The following AKR1C4 variants were observed in gnomAD, a reference collection of about 807,000 sequenced individuals.
AKR1C4 encodes the protein 3-alpha-HSD1.
AKR1C4 carries 44 observed loss-of-function variants against 41.0 expected under a neutral mutation model. The ratio of observed to expected loss-of-function variants is 1.07; its 90% CI spans 0.84 to 1.38. The LOEUF (loss-of-function observed/expected upper bound fraction) is 1.38. AKR1C4 is among the 40% of genes most tolerant of loss of function. The pLI, the probability that AKR1C4 is intolerant of heterozygous loss-of-function variation, is 0.00. For synonymous variants in AKR1C4, 165 were observed against 137.7 expected (o/e 1.20, Z -1.39); for missense variants, 438 against 387.9 (o/e 1.13, Z -1.09).
chr10:5,216,853 G>T, intron 8 of AKR1C4, 60 bp downstream of exon 8: 1 of 1,219,044 alleles, frequency 8.2e-7, no homozygotes, highest in Non-Finnish European at 1.2e-6. Flanking sequence ...TGTCAGATGG[G>T]TGTTGAAAGT....
At chr10:5,213,946 T>C (rs868964036) in intron 7 of AKR1C4, among the ~76,000 whole-genome samples, 1 of 152,152 alleles carries the variant, frequency 6.6e-6, no homozygotes, top group Admixed American at 6.5e-5. Flanking sequence ...TGTAGTCAAA[T>C]TCTTTATGAC....
At chr10:5,215,946 C>A (rs1219569915) in intron 7 of AKR1C4, among the ~76,000 whole-genome samples, 1 of 152,168 alleles carries the variant, frequency 6.6e-6, no homozygotes, top group African/African-American at 2.4e-5. Context: ...TGTCCCACTC[C>A]TGGTAACAAT....
chr10:5,212,751 C>T (rs782507158), intron 6 of AKR1C4, 26 bp downstream of exon 6: 3 of 1,594,300 alleles, frequency 1.9e-6, no homozygotes, highest in Non-Finnish European at 2.6e-6. Context: ...GGAAGTTTAC[C>T]TAAAATGCCA....
At chr10:5,217,924 G>A (rs1832677597) in intron 8 of AKR1C4, among the ~76,000 whole-genome samples, 1 of 152,206 alleles carries the variant, frequency 6.6e-6, no homozygotes, top group Non-Finnish European at 1.5e-5. Context: ...GCCTGCAGTG[G>A]AGATGTTAAC....
At chr10:5,215,311 G>C (rs1324700461) in intron 7 of AKR1C4, among the ~76,000 whole-genome samples, 1 of 152,162 alleles carries the variant, frequency 6.6e-6, no homozygotes, top group African/African-American at 2.4e-5. Flanking sequence ...AGGTGTTTGT[G>C]TCATGGGGGC....
chr10:5,210,194 T>C (rs558698824), intron 5 of AKR1C4, among the ~76,000 whole-genome samples: 2 of 152,274 alleles, frequency 1.3e-5, no homozygotes, highest in African/African-American at 4.8e-5. Flanking sequence ...TGATCTCCTT[T>C]GACTCCATGT....
intron 7 of AKR1C4, among the ~76,000 whole-genome samples, chr10:5,216,016 G>A (rs782652766): frequency 1.3e-4 from 20 of 152,282 alleles, no homozygotes; most frequent in South Asian, 2.1e-4. Context: ...AAAATATGCC[G>A]AAAGTTGTTT....
Position 5,216,807 on chromosome 10 carries a change from G to C in AKR1C4, c.929+14G>C, listed in dbSNP as rs534568556. Reference sequence around the variant, plus strand: ...TGTCATGGATTTGTAAGTAACTTTGGAAAATGGGTTTCCCAGTTTATTTTT... The same window carrying C: ...TGTCATGGATTTGTAAGTAACTTTGCAAAATGGGTTTCCCAGTTTATTTTT... On this transcript the variant is annotated intron_variant, in intron 8 of 8. Coordinates refer to ENST00000263126, the MANE Select transcript of AKR1C4 (RefSeq NM_001818.5). 6.3e-7 allele frequency: 1 copy of C among 1,582,422 alleles called. No homozygotes were observed. The highest frequency in any genetic ancestry group is 8.7e-7 in the Non-Finnish European group (1 of 1,154,706).
intron 2 of AKR1C4, chr10:5,202,628 G>A (rs966149031): frequency 1.1e-5 from 3 of 279,724 alleles, no homozygotes; most frequent in African/African-American, 4.4e-5. Flanking sequence ...TCAGTATGAT[G>A]TTGGCTATGG....
At chr10:5,201,863 G>A (rs1250190553) in intron 2 of AKR1C4, among the ~76,000 whole-genome samples, 5 of 152,116 alleles carry the variant, frequency 3.3e-5, no homozygotes, top group African/African-American at 1.2e-4. Context: ...TTATTGAATA[G>A]GGTTATTTTC....
At chr10:5,206,150 C>T in intron 4 of AKR1C4, 125 bp from the exon 5 acceptor site, 2 of 1,500,450 alleles carry the variant, frequency 1.3e-6, no homozygotes, top group African/African-American at 1.4e-5. Context: ...AATTTTTTCT[C>T]TTGAGAATCA....
At chr10:5,199,555 C>G (rs1282777839) in intron 1 of AKR1C4, among the ~76,000 whole-genome samples, 1 of 152,054 alleles carries the variant, frequency 6.6e-6, no homozygotes, top group Non-Finnish European at 1.5e-5. Context: ...ATCACATCGG[C>G]AGAGGAATAC....
At position 5,196,859 on chromosome 10, in the gene AKR1C4, T is replaced by G; in HGVS notation, c.-9T>G. 6.2e-7 allele frequency: 1 copy of G among 1,613,948 alleles called. No individual in the cohort carries two copies. Among genetic ancestry groups the G allele is most frequent in the Non-Finnish European group, 8.5e-7 (1 of 1,179,826 alleles). ...AACAGGATCTGCTTAGTGAAAGAAGTGGCAAGCAATGGATCCCAAATATCA... is the reference window on the plus strand; with the variant it reads ...AACAGGATCTGCTTAGTGAAAGAAGGGGCAAGCAATGGATCCCAAATATCA... On this transcript the variant is annotated 5_prime_UTR_variant, in exon 1 of 9. Transcript: ENST00000263126.
chr10:5,205,886 C>G, intron 4 of AKR1C4, 52 bp downstream of exon 4: 2 of 1,530,120 alleles, frequency 1.3e-6, no homozygotes, highest in Non-Finnish European at 1.8e-6. Context: ...AGAGGTAAAC[C>G]TGTTCCCCAG....
chr10:5,216,674 G>A (rs782291916), intron 7 of AKR1C4, 37 bp from the exon 8 acceptor site: 3 of 1,497,102 alleles, frequency 2.0e-6, no homozygotes, highest in South Asian at 2.3e-5. Context: ...TGACAATTAT[G>A]CAATCTAAGA....
At chr10:5,198,006 T>C (rs112053977) in intron 1 of AKR1C4, among the ~76,000 whole-genome samples, 8 of 152,340 alleles carry the variant, frequency 5.3e-5, no homozygotes, top group Admixed American at 5.2e-4. Context: ...GAAAAGCTTA[T>C]ATTAAAATAG....
chr10:5,218,878 T>C lies in AKR1C4; in HGVS notation c.*118T>C, dbSNP rs1476464570. On this transcript the variant is annotated 3_prime_UTR_variant, in exon 9 of 9. Transcript: ENST00000263126. ...TCTGGTTAAATCCCTCCCCTCCTGC[T>C]TGGCAACTTCAGCTAGCTAGATATA... The C allele has an allele frequency of 2.4e-5, 21 of 883,118 alleles. No individual in the cohort carries two copies. Among genetic ancestry groups the C allele is most frequent in the Non-Finnish European group, 3.4e-5 (19 of 565,548 alleles). 54.7% of individuals were successfully genotyped at this position (883,118 alleles called of 1,614,324 possible). A position where few individuals can be genotyped will look rare whatever the true frequency, so the allele number is the denominator to read the frequency against.
chr10:5,203,681 A>G (rs1187745250), intron 2 of AKR1C4, among the ~76,000 whole-genome samples: 4 of 152,222 alleles, frequency 2.6e-5, no homozygotes, highest in Non-Finnish European at 5.9e-5. Context: ...GCTTCTTGGA[A>G]AAAAGTTTGC....
chr10:5,204,516 T>C (rs1554797256), intron 3 of AKR1C4, 23 bp downstream of exon 3: 1 of 1,479,250 alleles, frequency 6.8e-7, no homozygotes. Context: ...TGAGATCAAC[T>C]TCTCTTCTGT....
Sources: allele counts gnomAD v4.1 joint callset (sites outside exome capture counted in the v4.1 genomes callset), GRCh38; gene constraint gnomAD v4.1.1; transcripts MANE v1.5; gene names NCBI Gene and HGNC (gene_info 2026-07-23, HGNC 2026-07-21).